ARID3B: variants seen among roughly 807,000 people sequenced by gnomAD.
ARID3B encodes AT-rich interactive domain-containing protein 3B.
Under a neutral mutation model 51.9 loss-of-function variants are expected in ARID3B, and 10 were observed. The ratio of observed to expected loss-of-function variants is 0.19; its 90% CI spans 0.12 to 0.33. ARID3B has a LOEUF of 0.33. Among genes scored for constraint, ARID3B ranks in the 10% least tolerant of loss-of-function variants. The pLI is 1.00. For synonymous variants in ARID3B, 205 were observed against 279.5 expected (o/e 0.73, Z 2.66); for missense variants, 483 against 716.3 (o/e 0.67, Z 3.72).
intron 4 of ARID3B, among the ~76,000 whole-genome samples, chr15:74,576,161 C>T (rs1167097839): frequency 1.3e-5 from 2 of 152,094 alleles, no homozygotes; most frequent in African/African-American, 2.4e-5. Context: ...TTTCAGAGTG[C>T]TGGGATTACA....
At chr15:74,588,571 T>C (rs1378002063) in intron 4 of ARID3B, among the ~76,000 whole-genome samples, 1 of 152,112 alleles carries the variant, frequency 6.6e-6, no homozygotes, top group African/African-American at 2.4e-5. Context: ...ACAAGTCTCA[T>C]ACCCTGCCCT....
Position 74,544,306 on chromosome 15 carries a change from G to T in ARID3B, c.370G>T (p.Val124Leu), listed in dbSNP as rs748663809. Residue 124 changes from valine (V) to leucine (L), a missense_variant, in exon 2 of 9, where the codon GTG becomes TTG. Val to Leu is a conservative substitution (Grantham distance 32, BLOSUM62 1). Around this residue, in one of 3 missense-constraint regions of ARID3B, gnomAD observed 182 missense variants for 244.5 expected, o/e 0.74. Coordinates refer to ENST00000346246, the MANE Select transcript of ARID3B (RefSeq NM_006465.4). ...ETQAASKYFH[V>L]QKVARQDPRV... ...CCAGGCTGCTTCAAAATATTTTCAT[G>T]TGCAGAAAGTAGCTCGCCAAGATCC... is the stretch of plus-strand genomic sequence containing the variant. The T allele has an allele frequency of 3.1e-6, 5 of 1,612,804 alleles. No individual in the cohort carries two copies. The South Asian group carries it at 5.5e-5, about 18-fold the overall frequency.
chr15:74,546,482 G>T (rs996550295), intron 2 of ARID3B, among the ~76,000 whole-genome samples: 2 of 152,218 alleles, frequency 1.3e-5, no homozygotes, highest in Non-Finnish European at 2.9e-5. Context: ...TGTAGCAGGT[G>T]TTGAGGTCAA....
At chr15:74,548,294 G>A (rs1242023737) in intron 2 of ARID3B, among the ~76,000 whole-genome samples, 1 of 152,182 alleles carries the variant, frequency 6.6e-6, no homozygotes. Flanking sequence ...GAGCCCATTG[G>A]TAGAGCTAGG....
At position 74,573,248 on chromosome 15, in the gene ARID3B, T is replaced by C. The variant is rs186496351; in HGVS notation, c.697+44T>C. 603 of 1,577,952 alleles carry C rather than the reference T, an allele frequency of 3.8e-4. 2 individuals are homozygous for C. Among genetic ancestry groups the C allele is most frequent in the Middle Eastern group, 2.0e-3 (12 of 6,000 alleles). ...ATCATTCCAATTCAGGGAATACTGATAGAGTGCCTACTGTGTGCTAGTCAC... is the reference window on the plus strand; with the variant it reads ...ATCATTCCAATTCAGGGAATACTGACAGAGTGCCTACTGTGTGCTAGTCAC... On this transcript the variant is annotated intron_variant, in intron 4 of 8. Transcript: ENST00000346246.
intron 4 of ARID3B, among the ~76,000 whole-genome samples, chr15:74,579,229 C>T (rs975946573): frequency 2.6e-5 from 4 of 152,202 alleles, no homozygotes; most frequent in South Asian, 4.1e-4. Context: ...GCCTTTCAGC[C>T]CTCAGCACCT....
Position 74,564,080 on chromosome 15 carries a change from C to T in ARID3B, c.553-8782C>T, listed in dbSNP as rs186637964. Among the ~76,000 whole-genome samples the T allele has an allele frequency of 1.7e-3, 264 of 152,316 alleles. 2 individuals are homozygous for T. Among genetic ancestry groups the T allele is most frequent in the Non-Finnish European group, 1.5e-3 (100 of 68,028 alleles). The stretch of plus-strand genomic sequence containing the variant: ...TCTTTCTGGTTCCTGCTAAAGTTAC[C>T]TGACAGCGGAAGGTGTGCATCTGAT... On this transcript the variant is annotated intron_variant, in intron 2 of 8. Coordinates refer to ENST00000346246, the MANE Select transcript of ARID3B (RefSeq NM_006465.4).
intron 4 of ARID3B, among the ~76,000 whole-genome samples, chr15:74,577,696 G>GTT (rs1555440502): frequency 1.3e-5 from 2 of 150,116 alleles, no homozygotes; most frequent in African/African-American, 2.5e-5. Context: ...TAATTTTTCT[G>GTT]TTTTTTTGTG....
At chr15:74,588,313 T>G (rs1270745503) in intron 4 of ARID3B, among the ~76,000 whole-genome samples, 1 of 151,954 alleles carries the variant, frequency 6.6e-6, no homozygotes, top group African/African-American at 2.4e-5. Context: ...AGTGCTTCCT[T>G]TTCATTCTCT....
At chr15:74,561,899 A>T (rs1567119075) in intron 2 of ARID3B, among the ~76,000 whole-genome samples, 1 of 152,168 alleles carries the variant, frequency 6.6e-6, no homozygotes, top group African/African-American at 2.4e-5. Context: ...TCAGTAAATT[A>T]CAAGATACTC....
chr15:74,588,317 A>G (rs1423101305), intron 4 of ARID3B, among the ~76,000 whole-genome samples: 1 of 151,768 alleles, frequency 6.6e-6, no homozygotes, highest in Non-Finnish European at 1.5e-5. Flanking sequence ...CTTCCTTTTC[A>G]TTCTCTGGCT....
In ARID3B at chr15:74,596,902, T is replaced by A. The variant is rs2141485318; in HGVS notation, c.*1128T>A. ...TAACCCGGCCCCTCTGGCCCTTCCC[T>A]CAAGCCCAGTGAGGAGGTGGGTGGA... On this transcript the variant is annotated 3_prime_UTR_variant, in exon 9 of 9. Coordinates refer to ENST00000346246, the MANE Select transcript of ARID3B (RefSeq NM_006465.4). 2 of 233,358 alleles carry A rather than the reference T, an allele frequency of 8.6e-6. No homozygotes were observed. Among genetic ancestry groups the A allele is most frequent in the South Asian group, 3.6e-4 (2 of 5,528 alleles). The allele number at this position is 233,358 out of a possible 1,614,324, so 14.5% of individuals were successfully genotyped here.
intron 2 of ARID3B, among the ~76,000 whole-genome samples, chr15:74,565,121 T>C (rs1050492653): frequency 2.0e-5 from 3 of 152,126 alleles, no homozygotes; most frequent in Non-Finnish European, 4.4e-5. Flanking sequence ...TGTATCTCAC[T>C]GCAACCTCAG....
At chr15:74,584,237 T>G (rs1011853025) in intron 4 of ARID3B, among the ~76,000 whole-genome samples, 6 of 152,094 alleles carry the variant, frequency 3.9e-5, no homozygotes, top group Non-Finnish European at 8.8e-5. Context: ...TATGAACAAG[T>G]CATGGGGGGA....
intron 1 of ARID3B, among the ~76,000 whole-genome samples, chr15:74,543,379 A>G (rs2061601448): frequency 6.6e-6 from 1 of 152,160 alleles, no homozygotes; most frequent in Non-Finnish European, 1.5e-5. Context: ...TAGAGGTGAT[A>G]TCTTTCTCCT....
chr15:74,589,757 G>A lies in ARID3B; in HGVS notation c.698-63G>A. 8.0e-6 allele frequency: 12 copies of A among 1,506,230 alleles called. No homozygotes were observed. The Admixed American group carries it at 1.2e-4, about 15-fold the overall frequency. 93.3% of individuals were successfully genotyped at this position (1,506,230 alleles called of 1,614,324 possible). A position where few individuals can be genotyped will look rare whatever the true frequency, so the allele number is the denominator to read the frequency against. On this transcript the variant is annotated intron_variant, in intron 4 of 8. Transcript: ENST00000346246. ...AGCTCGGCTAAAGGTGGGCATACAC[G>A]GAATCTTTCTTCTCAGCCTGATGAT...
intron 2 of ARID3B, among the ~76,000 whole-genome samples, chr15:74,565,184 A>G (rs956971013): frequency 2.0e-5 from 3 of 152,076 alleles, no homozygotes; most frequent in Non-Finnish European, 1.5e-5. Flanking sequence ...AGCTGGGACT[A>G]TAGGCATGTG....
intron 4 of ARID3B, among the ~76,000 whole-genome samples, chr15:74,588,031 A>C (rs554635327): frequency 6.6e-6 from 1 of 152,190 alleles, no homozygotes; most frequent in East Asian, 1.9e-4. Flanking sequence ...GCTTGAGCTT[A>C]GGAGTTTGAG....
intron 2 of ARID3B, among the ~76,000 whole-genome samples, chr15:74,558,911 T>C (rs2061668927): frequency 6.6e-6 from 1 of 152,138 alleles, no homozygotes; most frequent in Non-Finnish European, 1.5e-5. Context: ...GTTTGGGTAG[T>C]GTGAATTTGA....
Sources: gnomAD v4.1 joint callset for allele counts (sites outside exome capture counted in the v4.1 genomes callset) on GRCh38, gnomAD v4.1.1 for gene constraint, gnomAD v4.1.1 regional missense constraint, MANE v1.5 for transcripts, NCBI Gene and HGNC (gene_info 2026-07-23, HGNC 2026-07-21) for gene names.